EHBP1: variants seen among roughly 807,000 people sequenced by gnomAD.
EHBP1 encodes EH domain-binding protein 1.
A neutral mutation model predicts 144.0 loss-of-function variants in EHBP1; 55 were observed. The observed-to-expected ratio is 0.38, with a 90% CI of 0.31 to 0.48. The LOEUF (loss-of-function observed/expected upper bound fraction) is 0.48. Ranked by LOEUF, EHBP1 falls within the 20% of genes least tolerant of loss-of-function variation. The pLI is 0.98. For missense variants in EHBP1, 1,200 were observed against 1,364.2 expected, an observed-to-expected ratio of 0.88 and a Z score of 1.90; for synonymous variants, 469 against 472.7, an observed-to-expected ratio of 0.99 and a Z score of 0.10.
At chr2:62,758,114 C>A (rs540335131) in intron 3 of EHBP1, among the ~76,000 whole-genome samples, 1 of 151,938 alleles carries the variant, frequency 6.6e-6, no homozygotes, top group African/African-American at 2.4e-5. Context: ...ATTATAGAAT[C>A]TTTGTTTTGT....
chr2:62,939,971 G>A, intron 10 of EHBP1: 1 of 283,498 alleles, frequency 3.5e-6, no homozygotes, highest in Non-Finnish European at 6.9e-6. Context: ...AGGAACCAGA[G>A]GTGGTGATTC....
At position 63,037,614 on chromosome 2, in the gene EHBP1, A is replaced by G. The variant is rs753558004; in HGVS notation, c.3183A>G (p.Arg1061=). 2 of 1,598,464 alleles carry G rather than the reference A, an allele frequency of 1.3e-6. No homozygotes were observed. Among genetic ancestry groups the G allele is most frequent in the South Asian group, 1.1e-5 (1 of 88,960 alleles). ...ATAAGAAAAATGCCTTAATAAGGAG[A>G]ATGAATCAGCTCTCTCTTCTGTAAG... ...LVNKKNALIR[R]MNQLSLLEKE... Residue 1061 remains arginine (R), a synonymous_variant, in exon 20 of 23, where the codon AGA becomes AGG. Transcript: ENST00000431489.
intron 19 of EHBP1, among the ~76,000 whole-genome samples, chr2:63,001,866 C>G (rs2059864908): frequency 6.6e-6 from 1 of 152,138 alleles, no homozygotes; most frequent in African/African-American, 2.4e-5. Flanking sequence ...TCCTGGGGTT[C>G]TACTAGTAAT....
chr2:62,835,201 G>A (rs1360405526), intron 7 of EHBP1, among the ~76,000 whole-genome samples: 1 of 151,884 alleles, frequency 6.6e-6, no homozygotes, highest in Non-Finnish European at 1.5e-5. Context: ...ACAGCATTTG[G>A]TTGATTTAAC....
In EHBP1 at chr2:63,043,920, C is replaced by CTTTTTT. The variant is rs70962802; in HGVS notation, c.3278-1100_3278-1095dup. ...GCTGCAGGAGTCAGTGGCCATGGTT[C>CTTTTTT]TTTTTTTTTTTTTTTTTTTTTTTTT... On this transcript the variant is annotated intron_variant, in intron 21 of 22. Transcript: ENST00000431489. 7 of 9,404 alleles carry CTTTTTT rather than the reference C, an allele frequency of 7.4e-4. 3 individuals carry two copies. Among genetic ancestry groups the CTTTTTT allele is most frequent in the Non-Finnish European group, 1.2e-3 (6 of 4,890 alleles). 0.6% of individuals were successfully genotyped at this position (9,404 alleles called of 1,614,324 possible).
intron 3 of EHBP1, among the ~76,000 whole-genome samples, chr2:62,760,786 C>T (rs1333548874): frequency 6.6e-6 from 1 of 152,186 alleles, no homozygotes; most frequent in African/African-American, 2.4e-5. Context: ...GGGCTCTCCT[C>T]CTGGTTGCTA....
chr2:62,830,179 C>G lies in EHBP1; in HGVS notation c.495-840C>G, dbSNP rs1316580068. ...ACACACACACACACACACACACACA[C>G]ACACACACACACACACATATATATA... On this transcript the variant is annotated intron_variant, in intron 6 of 22. Coordinates refer to ENST00000431489, the MANE Select transcript of EHBP1 (RefSeq NM_001142616.3). 2.4e-4 allele frequency among the ~76,000 whole-genome samples: 25 copies of G among 105,058 alleles called. No individual in the cohort carries two copies. The East Asian group carries it at 4.5e-3, about 19-fold the overall frequency. The allele number at this position is 105,058 out of a possible 152,430, so 68.9% of individuals were successfully genotyped here.
chr2:62,712,365 G>T (rs1280600673), intron 2 of EHBP1, among the ~76,000 whole-genome samples: 1 of 152,144 alleles, frequency 6.6e-6, no homozygotes, highest in Non-Finnish European at 1.5e-5. Flanking sequence ...GAACTGAGGA[G>T]ATGAGGTATG....
At chr2:63,044,827 C>G (rs2061872807) in intron 21 of EHBP1, 1 of 408,462 alleles carries the variant, frequency 2.4e-6, no homozygotes, top group African/African-American at 2.0e-5. Context: ...ACACCTGGTT[C>G]TAAGCAGGTT....
intron 7 of EHBP1, among the ~76,000 whole-genome samples, chr2:62,835,719 G>C (rs950749590): frequency 3.3e-5 from 5 of 152,200 alleles, no homozygotes; most frequent in African/African-American, 1.2e-4. Flanking sequence ...CCGAGTCAAA[G>C]AAAGGGGTGA....
intron 1 of EHBP1, among the ~76,000 whole-genome samples, chr2:62,676,703 A>G (rs2033308871): frequency 6.6e-6 from 1 of 152,278 alleles, no homozygotes. Context: ...GGCAGAAACC[A>G]TATTCCTTTT....
At chr2:62,738,826 T>A (rs114930835) in intron 2 of EHBP1, among the ~76,000 whole-genome samples, 4,991 of 152,302 alleles carry the variant, frequency 0.033, 267 homozygotes, top group African/African-American at 0.11. Context: ...TTGGTATTTT[T>A]CATGAGTGTA....
intron 2 of EHBP1, among the ~76,000 whole-genome samples, chr2:62,731,217 G>A (rs1440129657): frequency 6.6e-6 from 1 of 151,710 alleles, no homozygotes; most frequent in African/African-American, 2.4e-5. Context: ...AATTCCAATT[G>A]TTCATTGCTG....
At chr2:63,001,741 A>G (rs1310632837) in intron 19 of EHBP1, among the ~76,000 whole-genome samples, 1 of 152,148 alleles carries the variant, frequency 6.6e-6, no homozygotes, top group Non-Finnish European at 1.5e-5. Flanking sequence ...TACAGTTTAC[A>G]AGTGGGAGAG....
intron 21 of EHBP1, among the ~76,000 whole-genome samples, chr2:63,042,042 CTCTT>C (rs2061680527): frequency 6.6e-6 from 1 of 152,062 alleles, no homozygotes; most frequent in Admixed American, 6.5e-5. Context: ...TAAACAGAAT[CTCTT>C]TATTTCAACA....
intron 2 of EHBP1, among the ~76,000 whole-genome samples, chr2:62,737,087 G>A (rs2038210090): frequency 6.6e-6 from 1 of 152,212 alleles, no homozygotes; most frequent in East Asian, 1.9e-4. Context: ...CTTAGGTGGG[G>A]CAGGATGGCT....
chr2:62,858,532 C>A, intron 7 of EHBP1: 1 of 1,508,312 alleles, frequency 6.6e-7, no homozygotes, highest in Non-Finnish European at 9.2e-7. Context: ...TTCCTCCTTT[C>A]TTTCTGCTTC....
chr2:62,825,887 A>G (rs924623150), intron 5 of EHBP1, among the ~76,000 whole-genome samples, 200 bp from the exon 6 acceptor site: 10 of 152,010 alleles, frequency 6.6e-5, no homozygotes, highest in Admixed American at 5.2e-4. Context: ...CCGCTTTCCA[A>G]TTGCATATCT....
chr2:62,684,658 G>A (rs577904962), intron 1 of EHBP1, among the ~76,000 whole-genome samples: 4 of 152,266 alleles, frequency 2.6e-5, no homozygotes, highest in East Asian at 1.9e-4. Flanking sequence ...TTTAAAACAA[G>A]CATTTGTATT....
Sources: allele counts gnomAD v4.1 joint callset (sites outside exome capture counted in the v4.1 genomes callset), GRCh38; gene constraint gnomAD v4.1.1; transcripts MANE v1.5; gene names NCBI Gene and HGNC (gene_info 2026-07-23, HGNC 2026-07-21).